Variants in RPS6KA2 observed in about 807,000 individuals in gnomAD.
The protein encoded by RPS6KA2 is ribosomal protein S6 kinase alpha-2.
A neutral mutation model predicts 91.8 loss-of-function variants in RPS6KA2; 42 were observed. The ratio of observed to expected loss-of-function variants is 0.46; its 90% confidence interval spans 0.36 to 0.59. The LOEUF (loss-of-function observed/expected upper bound fraction) is 0.59. Among genes scored for constraint, RPS6KA2 ranks in the 20% least tolerant of loss-of-function variants. The probability of loss-of-function intolerance (pLI) is 0.00; values close to 1 mark genes in which losing one functional copy is unlikely to be tolerated. For synonymous variants in RPS6KA2, 414 were observed against 393.6 expected, an observed-to-expected ratio of 1.05 and a Z score of -0.61; for missense variants, 798 against 978.5, an observed-to-expected ratio of 0.82 and a Z score of 2.46.
In RPS6KA2 at chr6:166,445,281, G is replaced by A. The variant is rs1188227521; in HGVS notation, c.1332+3443C>T. Among the ~76,000 whole-genome samples, 6 of 152,092 alleles carry A rather than the reference G, an allele frequency of 3.9e-5. No individual in the cohort carries two copies. Among genetic ancestry groups the A allele is most frequent in the South Asian group, 2.1e-4 (1 of 4,828 alleles). On this transcript the variant is annotated intron_variant, in intron 14 of 20. Transcript: ENST00000265678. The surrounding 1 kb of genome is among the most constrained non-coding windows in gnomAD (Gnocchi z 4.5). Reference sequence around the variant, plus strand: ...CGTGGGGAACACTGAGCTGTTGGTCGGTCATCATCCTGTTGCTAAAGGACT... The same window carrying A: ...CGTGGGGAACACTGAGCTGTTGGTCAGTCATCATCCTGTTGCTAAAGGACT...
At chr6:166,668,268 C>T (rs1425114427) in intron 2 of RPS6KA2, among the ~76,000 whole-genome samples, 1 of 152,184 alleles carries the variant, frequency 6.6e-6, no homozygotes. Context: ...AATCCAAGCC[C>T]ACCCTCGTTC....
At chr6:166,610,846 A>G (rs1277169249) in intron 1 of RPS6KA2, among the ~76,000 whole-genome samples, 1 of 152,260 alleles carries the variant, frequency 6.6e-6, no homozygotes, top group Non-Finnish European at 1.5e-5. Context: ...GGAAAGCCAC[A>G]TGTAATAAAT....
intron 3 of RPS6KA2, among the ~76,000 whole-genome samples, chr6:166,515,217 C>A (rs983433097): frequency 1.3e-5 from 2 of 152,124 alleles, no homozygotes; most frequent in Non-Finnish European, 1.5e-5. Flanking sequence ...TTGGTGGCAG[C>A]AGATGCTCAA....
intron 2 of RPS6KA2, among the ~76,000 whole-genome samples, chr6:166,807,824 C>T (rs577814068): frequency 4.9e-4 from 75 of 152,104 alleles, no homozygotes; most frequent in Non-Finnish European, 9.0e-4. Flanking sequence ...CCCTCAACAC[C>T]TGTTTAAAAT....
chr6:166,467,131 CTCAT>C (rs1369848070), intron 11 of RPS6KA2, among the ~76,000 whole-genome samples: 4 of 152,086 alleles, frequency 2.6e-5, no homozygotes, highest in African/African-American at 4.8e-5. Flanking sequence ...CACTCCCTCA[CTCAT>C]TAACTCATTC....
At chr6:166,579,553 A>C (rs557728361) in intron 1 of RPS6KA2, among the ~76,000 whole-genome samples, 2 of 152,304 alleles carry the variant, frequency 1.3e-5, no homozygotes, top group South Asian at 4.1e-4. Context: ...TTAAATAAAA[A>C]ATGTTTCCAA....
intron 2 of RPS6KA2, among the ~76,000 whole-genome samples, chr6:166,698,768 G>A (rs565377287): frequency 6.6e-6 from 1 of 152,342 alleles, no homozygotes; most frequent in African/African-American, 2.4e-5. Flanking sequence ...GTCAGCGGAC[G>A]GGAGGTTCTG....
chr6:166,432,253 CA>C, intron 15 of RPS6KA2, 147 bp downstream of exon 15: 1 of 633,858 alleles, frequency 1.6e-6, no homozygotes, highest in Non-Finnish European at 2.9e-6. Context: ...TCCAGCAAGT[CA>C]GCTCCAAGTG....
chr6:166,468,010 T>A (rs1780607982), intron 11 of RPS6KA2, among the ~76,000 whole-genome samples: 1 of 152,280 alleles, frequency 6.6e-6, no homozygotes, highest in Non-Finnish European at 1.5e-5. Flanking sequence ...GGGGCAGGCA[T>A]CTGGGTTCCA....
chr6:166,787,383 T>G (rs752873439), intron 2 of RPS6KA2, among the ~76,000 whole-genome samples: 1 of 152,134 alleles, frequency 6.6e-6, no homozygotes, highest in African/African-American at 2.4e-5. Context: ...AAAAGTATGA[T>G]TTGATATTTA....
chr6:166,418,156 C>A lies in RPS6KA2; in HGVS notation c.1938+69G>T. The A allele has an allele frequency of 9.4e-7, 1 of 1,063,414 alleles. No homozygotes were observed. The highest frequency in any genetic ancestry group is 2.1e-5 in the Admixed American group (1 of 47,620). The allele number at this position is 1,063,414 out of a possible 1,614,324, so 65.9% of individuals were successfully genotyped here. ...TACTTACATAAAACCTATCCCCTGG[C>A]TTCCTCAGAAATCATATGGCTATTT... On this transcript the variant is annotated intron_variant, in intron 19 of 20. Transcript: ENST00000265678. The surrounding 1 kb of genome is among the most constrained non-coding windows in gnomAD (Gnocchi z 4.9).
intron 14 of RPS6KA2, among the ~76,000 whole-genome samples, chr6:166,447,940 A>G (rs1363059707): frequency 6.6e-6 from 1 of 152,110 alleles, no homozygotes; most frequent in East Asian, 1.9e-4. Context: ...TTTGGAGAGG[A>G]TGTACAATGT....
intron 12 of RPS6KA2, among the ~76,000 whole-genome samples, chr6:166,454,845 T>C (rs529272805): frequency 1.3e-5 from 2 of 150,734 alleles, no homozygotes; most frequent in South Asian, 4.2e-4. Flanking sequence ...TTAAATATAT[T>C]TTAATATATT....
intron 3 of RPS6KA2, among the ~76,000 whole-genome samples, chr6:166,529,364 T>G (rs1453664440): frequency 6.6e-6 from 1 of 151,936 alleles, no homozygotes; most frequent in Non-Finnish European, 1.5e-5. Context: ...AGGTGGGAAT[T>G]GAACAACGAG....
At chr6:166,619,496 G>A (rs769442362) in intron 1 of RPS6KA2, among the ~76,000 whole-genome samples, 6 of 151,716 alleles carry the variant, frequency 4.0e-5, no homozygotes, top group African/African-American at 9.7e-5. Context: ...AGTGTAGAAC[G>A]CAGCAGTCTC....
intron 1 of RPS6KA2, among the ~76,000 whole-genome samples, chr6:166,598,575 C>T (rs954704533): frequency 2.0e-5 from 3 of 152,170 alleles, no homozygotes; most frequent in African/African-American, 7.2e-5. Flanking sequence ...GTGAAACAGC[C>T]TGGAGTCTGC....
intron 11 of RPS6KA2, chr6:166,460,764 G>A (rs1780251968): frequency 6.6e-6 from 1 of 152,364 alleles, no homozygotes; most frequent in South Asian, 2.1e-4. Flanking sequence ...CCAGCCTGGA[G>A]TCCTGTCCTG....
At chr6:166,674,277 TTTGA>T (rs1179012864) in intron 2 of RPS6KA2, among the ~76,000 whole-genome samples, 9 of 152,252 alleles carry the variant, frequency 5.9e-5, no homozygotes, top group African/African-American at 9.6e-5. Context: ...AGTTATTGAC[TTTGA>T]TTGGGGACAG....
At chr6:166,755,408 C>A (rs1777982331) in intron 2 of RPS6KA2, among the ~76,000 whole-genome samples, 1 of 152,166 alleles carries the variant, frequency 6.6e-6, no homozygotes, top group African/African-American at 2.4e-5. Flanking sequence ...GGAGAACCAG[C>A]AGGAGATGTT....
Sources: allele counts gnomAD v4.1 joint callset (sites outside exome capture counted in the v4.1 genomes callset), GRCh38; gene constraint gnomAD v4.1.1; non-coding constraint Gnocchi (gnomAD v3.1); transcripts MANE v1.5; gene names NCBI Gene and HGNC (gene_info 2026-07-23, HGNC 2026-07-21).